Variants in RGS18 observed in about 807,000 individuals in gnomAD.
RGS18 encodes the protein regulator of G-protein signaling 18.
A neutral mutation model predicts 27.6 loss-of-function variants in RGS18; 22 were observed. The observed-to-expected ratio is 0.80, with a 90% CI of 0.57 to 1.14. The LOEUF (loss-of-function observed/expected upper bound fraction) is 1.14, where lower values mean the gene tolerates loss of function less well. Among genes scored for constraint, RGS18 ranks in the 50% most tolerant of loss-of-function variants. The pLI is 0.00. For synonymous variants in RGS18, 89 were observed against 84.6 expected (o/e 1.05, Z -0.29); for missense variants, 299 against 269.6 (o/e 1.11, Z -0.76).
chr1:192,166,111 A>C (rs1656159399), intron 3 of RGS18, among the ~76,000 whole-genome samples: 1 of 152,096 alleles, frequency 6.6e-6, no homozygotes, highest in South Asian at 2.1e-4. Flanking sequence ...ATATAGAGAT[A>C]TATTATACAC....
In RGS18 at chr1:192,159,279, A is replaced by T; in HGVS notation, c.179A>T (p.Asp60Val). The T allele has an allele frequency of 1.2e-6, 2 of 1,613,832 alleles. No homozygotes were observed. Among genetic ancestry groups the T allele is most frequent in the Non-Finnish European group, 1.7e-6 (2 of 1,179,736 alleles). ...GTGCAGAAACCTGAGTTTCATGAAG[A>T]CACCCGCTCCAGTAGATCTGGGCAC... is the stretch of plus-strand genomic sequence containing the variant. ...LLVQKPEFHE[D>V]TRSSRSGHLA... The change falls in exon 2 of 5, where the codon GAC becomes GTC. Residue 60 changes from aspartate to valine, a missense_variant. By Grantham distance (152) the Asp-to-Val change is radical. Coordinates refer to ENST00000367460, the MANE Select transcript of RGS18 (RefSeq NM_130782.3).
intron 3 of RGS18, among the ~76,000 whole-genome samples, chr1:192,180,140 A>C (rs922859721): frequency 2.6e-5 from 4 of 151,674 alleles, no homozygotes; most frequent in Non-Finnish European, 4.4e-5. Context: ...TTAAGGTTGA[A>C]TCCAAAGTCT....
At chr1:192,178,637 A>G (rs1656398442) in intron 3 of RGS18, among the ~76,000 whole-genome samples, 3 of 151,592 alleles carry the variant, frequency 2.0e-5, no homozygotes, top group Non-Finnish European at 4.4e-5. Context: ...GGCAAAAATA[A>G]TTTAAGTAAA....
At chr1:192,184,173 C>A in intron 4 of RGS18, 124 bp from the exon 5 acceptor site, 1 of 832,732 alleles carries the variant, frequency 1.2e-6, no homozygotes. Flanking sequence ...CTACACACAT[C>A]CAAACTATAT....
chr1:192,170,953 T>C (rs1656244718), intron 3 of RGS18, among the ~76,000 whole-genome samples: 1 of 152,084 alleles, frequency 6.6e-6, no homozygotes. Flanking sequence ...GTGAAAGGCA[T>C]TGTGGGAAAG....
chr1:192,165,638 C>A (rs969953903), intron 3 of RGS18, among the ~76,000 whole-genome samples: 1 of 152,112 alleles, frequency 6.6e-6, no homozygotes, highest in Non-Finnish European at 1.5e-5. Flanking sequence ...TAGAAAAGAA[C>A]CTATGTTGAA....
At chr1:192,166,237 T>C (rs1293638797) in intron 3 of RGS18, among the ~76,000 whole-genome samples, 1 of 152,162 alleles carries the variant, frequency 6.6e-6, no homozygotes, top group Non-Finnish European at 1.5e-5. Context: ...CTAAACAGTT[T>C]TTTAAAATAT....
chr1:192,160,317 A>G, intron 2 of RGS18, 61 bp from the exon 3 acceptor site: 1 of 1,057,960 alleles, frequency 9.5e-7, no homozygotes, highest in Admixed American at 1.8e-5. Flanking sequence ...CATATGTTAG[A>G]ACAGATTCAT....
At chr1:192,165,449 A>T (rs1309780341) in intron 3 of RGS18, among the ~76,000 whole-genome samples, 1 of 152,128 alleles carries the variant, frequency 6.6e-6, no homozygotes, top group African/African-American at 2.4e-5. Context: ...TGTGACCCAC[A>T]CTGTGTTCGT....
At chr1:192,163,117 A>G (rs1466719458) in intron 3 of RGS18, among the ~76,000 whole-genome samples, 1 of 152,204 alleles carries the variant, frequency 6.6e-6, no homozygotes, top group Non-Finnish European at 1.5e-5. Context: ...GTAAATGAAG[A>G]TAATGTTTTT....
chr1:192,175,572 G>T (rs902308255), intron 3 of RGS18, among the ~76,000 whole-genome samples: 7 of 151,822 alleles, frequency 4.6e-5, no homozygotes, highest in Non-Finnish European at 7.4e-5. Flanking sequence ...ACTTTCTTTG[G>T]TATCTCTTCT....
intron 3 of RGS18, among the ~76,000 whole-genome samples, chr1:192,167,302 T>C (rs1222511557): frequency 6.6e-6 from 1 of 152,188 alleles, no homozygotes; most frequent in East Asian, 1.9e-4. Flanking sequence ...CTTTTCACCT[T>C]GTGGCTTTTC....
intron 2 of RGS18, among the ~76,000 whole-genome samples, chr1:192,159,660 CTCTT>C (rs1656036324): frequency 6.6e-6 from 1 of 151,926 alleles, no homozygotes; most frequent in South Asian, 2.1e-4. Flanking sequence ...AGATATTCAT[CTCTT>C]TCTTCAGTAG....
Position 192,170,978 on chromosome 1 carries a change from A to G in RGS18, c.284-10314A>G, listed in dbSNP as rs150109842. Among the ~76,000 whole-genome samples the G allele has an allele frequency of 1.2e-3, 185 of 152,222 alleles. 3 individuals are homozygous for G. Among genetic ancestry groups the G allele is most frequent in the African/African-American group, 4.2e-3 (175 of 41,554 alleles). On this transcript the variant is annotated intron_variant, in intron 3 of 4. Transcript: ENST00000367460. ...TTGTGGGAAAGAAAATCAAATAGGA[A>G]CGTTCTAAGGAACAATAATCCCTAT...
intron 3 of RGS18, among the ~76,000 whole-genome samples, chr1:192,172,849 C>T (rs1465210985): frequency 8.8e-6 from 1 of 114,084 alleles, no homozygotes; most frequent in Non-Finnish European, 1.9e-5. Flanking sequence ...ACAATGCCTT[C>T]CTGAGAAAAA....
rs1025945569 is a variant in RGS18 at position 192,165,867 on chromosome 1, GA to G, written c.283+5430del. 7.4e-4 allele frequency among the ~76,000 whole-genome samples: 112 copies of G among 151,964 alleles called. 1 individual carries two copies. Among genetic ancestry groups the G allele is most frequent in the African/African-American group, 2.5e-3 (104 of 41,480 alleles). On this transcript the variant is annotated intron_variant, in intron 3 of 4. Coordinates refer to ENST00000367460, the MANE Select transcript of RGS18 (RefSeq NM_130782.3). ...TTTCTATTTATTGTCAAATTTGTCT[GA>G]AGTTTCAAAATGAATAATAAAAATT...
chr1:192,184,036 G>T (rs115054021), intron 4 of RGS18, among the ~76,000 whole-genome samples: 28 of 151,596 alleles, frequency 1.8e-4, no homozygotes, highest in African/African-American at 5.8e-4. Context: ...ACTCACTATC[G>T]CAAGGACAGC....
intron 3 of RGS18, chr1:192,168,934 T>C (rs1187970670): frequency 6.6e-6 from 1 of 150,564 alleles, no homozygotes; most frequent in African/African-American, 2.5e-5. Context: ...TCCGTAGGGC[T>C]GATGTGAAAA....
In RGS18 at chr1:192,181,318, C is replaced by T. The variant is rs1571394606; in HGVS notation, c.310C>T (p.Leu104Phe). ...TGGACTAGAGGCTTTTACCAGATTTCTTAAAACTGAATTCAGTGAAGAAAA... is the reference window on the plus strand; with the variant it reads ...TGGACTAGAGGCTTTTACCAGATTTTTTAAAACTGAATTCAGTGAAGAAAA... Reference protein sequence around the residue: ...RDGLEAFTRFLKTEFSEENIE... With the variant: ...RDGLEAFTRFFKTEFSEENIE... Residue 104 changes from leucine (L) to phenylalanine (F), a missense_variant, in exon 4 of 5, where the codon CTT becomes TTT. By Grantham distance (22) the Leu-to-Phe change is conservative. Transcript: ENST00000367460. 2 of 1,551,350 alleles carry T rather than the reference C, an allele frequency of 1.3e-6. No individual in the cohort carries two copies. Among genetic ancestry groups the T allele is most frequent in the Non-Finnish European group, 1.7e-6 (2 of 1,144,330 alleles).
Sources: allele counts gnomAD v4.1 joint callset (sites outside exome capture counted in the v4.1 genomes callset), GRCh38; gene constraint gnomAD v4.1.1; transcripts MANE v1.5; gene names NCBI Gene and HGNC (gene_info 2026-07-23, HGNC 2026-07-21).